Variants in TNS3 observed in about 807,000 individuals in gnomAD.
The protein encoded by TNS3 is tensin 3, also known as tensin-3.
TNS3 carries 45 observed loss-of-function variants against 140.9 expected under a neutral mutation model. That is an observed-to-expected ratio of 0.32 (90% CI 0.25 to 0.41). The LOEUF (loss-of-function observed/expected upper bound fraction) is 0.41, where lower values mean the gene tolerates loss of function less well. Ranked by LOEUF, TNS3 falls within the 10% of genes least tolerant of loss-of-function variation. The pLI is 1.00. For missense variants in TNS3, 1,716 were observed against 1,906.7 expected, an observed-to-expected ratio of 0.90 and a Z score of 1.86; for synonymous variants, 815 against 788.4, an observed-to-expected ratio of 1.03 and a Z score of -0.56.
In TNS3 at chr7:47,283,808, G is replaced by A. The variant is rs765761309; in HGVS notation, c.3986C>T (p.Ala1329Val). 12 of 1,611,554 alleles carry A rather than the reference G, an allele frequency of 7.4e-6. No homozygotes were observed. The highest frequency in any genetic ancestry group is 8.5e-6 in the Non-Finnish European group (10 of 1,178,830). Reference protein sequence around the residue: ...VEMESLTGHQAIQKALSITLV... With the variant: ...VEMESLTGHQVIQKALSITLV... ...GGTGATGCTCAGGGCCTTCTGGATC[G>A]CCTGGTGGCCGGTGAGGGACTCCAT... The change falls in exon 28 of 31, where the codon GCG becomes GTG. Residue 1329 changes from alanine (A) to valine (V), a missense_variant. This residue lies in a region of TNS3 where 216 missense variants were observed against 295.7 expected (regional missense o/e 0.73). Coordinates refer to ENST00000311160, the MANE Select transcript of TNS3 (RefSeq NM_022748.12).
chr7:47,312,836 A>G (rs1015464614), intron 20 of TNS3, among the ~76,000 whole-genome samples: 23 of 152,196 alleles, frequency 1.5e-4, no homozygotes, highest in Non-Finnish European at 2.9e-4. Flanking sequence ...CACATGTGTA[A>G]CCTGCACGTT....
At chr7:47,351,176 T>A (rs1286519636) in intron 17 of TNS3, among the ~76,000 whole-genome samples, 1 of 152,250 alleles carries the variant, frequency 6.6e-6, no homozygotes, top group Non-Finnish European at 1.5e-5. Context: ...TTTCCCTAAA[T>A]CCCGTTCTAA....
At chr7:47,551,095 C>G (rs542219647) in intron 1 of TNS3, among the ~76,000 whole-genome samples, 1 of 152,314 alleles carries the variant, frequency 6.6e-6, no homozygotes, top group South Asian at 2.1e-4. Context: ...GTGGGAAGCG[C>G]CAGGAAGATC....
intron 20 of TNS3, among the ~76,000 whole-genome samples, chr7:47,338,395 G>C (rs141293509): frequency 6.6e-6 from 1 of 152,306 alleles, no homozygotes; most frequent in East Asian, 1.9e-4. Flanking sequence ...CATTCTGATA[G>C]GTGTGATTTA....
At chr7:47,518,892 G>C (rs1798870524) in intron 2 of TNS3, among the ~76,000 whole-genome samples, 1 of 152,206 alleles carries the variant, frequency 6.6e-6, no homozygotes, top group African/African-American at 2.4e-5. Context: ...GGAGATCACA[G>C]GTTTAACCTT....
At chr7:47,550,884 A>T (rs1800042534) in intron 1 of TNS3, among the ~76,000 whole-genome samples, 2 of 152,154 alleles carry the variant, frequency 1.3e-5, no homozygotes, top group Non-Finnish European at 2.9e-5. Context: ...AACAAAACAG[A>T]CCTAAGTTTT....
At chr7:47,501,853 C>T (rs577393035) in intron 3 of TNS3, among the ~76,000 whole-genome samples, 1 of 152,218 alleles carries the variant, frequency 6.6e-6, no homozygotes, top group South Asian at 2.1e-4. Flanking sequence ...ATGCGGGAGT[C>T]AGAGAATTCT....
chr7:47,314,284 T>C (rs549931432), intron 20 of TNS3, among the ~76,000 whole-genome samples: 2 of 152,310 alleles, frequency 1.3e-5, no homozygotes, highest in Non-Finnish European at 2.9e-5. Flanking sequence ...CTGCAGGCGC[T>C]GTGCTTGGCA....
In TNS3 at chr7:47,422,239, T is replaced by A. The variant is rs187133790; in HGVS notation, c.473+1862A>T. On this transcript the variant is annotated intron_variant, in intron 10 of 30. Transcript: ENST00000311160. ...ATTAACCTTGGAATGTAAAATTGAA[T>A]CCAGCAAGCATTAAAAAATGCAAAT... Among the ~76,000 whole-genome samples, 49 of 152,260 alleles carry A rather than the reference T, an allele frequency of 3.2e-4. 1 individual carries two copies. Among genetic ancestry groups the A allele is most frequent in the Non-Finnish European group, 5.7e-4 (39 of 68,022 alleles).
intron 1 of TNS3, among the ~76,000 whole-genome samples, chr7:47,576,774 G>A (rs1800685039): frequency 6.6e-6 from 1 of 152,210 alleles, no homozygotes; most frequent in Admixed American, 6.5e-5. Context: ...TGAGTGAAAT[G>A]TTACACACTG....
At chr7:47,525,781 T>TAGCCATGCATATGTGCACCCACACAC (rs1799169188) in intron 2 of TNS3, among the ~76,000 whole-genome samples, 1 of 152,188 alleles carries the variant, frequency 6.6e-6, no homozygotes, top group African/African-American at 2.4e-5. Flanking sequence ...ACTGCACACA[T>TAGCCATGCATATGTGCACCCACACAC]AGCCATGCAT....
chr7:47,314,978 A>G (rs1787310762), intron 20 of TNS3, among the ~76,000 whole-genome samples: 1 of 152,234 alleles, frequency 6.6e-6, no homozygotes, highest in Admixed American at 6.5e-5. Context: ...CTACTAAGGC[A>G]AAAGCCGTCT....
At chr7:47,293,020 G>T in intron 25 of TNS3, 115 bp from the exon 26 acceptor site, 1 of 816,298 alleles carries the variant, frequency 1.2e-6, no homozygotes, top group Non-Finnish European at 2.0e-6. Flanking sequence ...TATCTTTTTA[G>T]CAACTGGTAT....
At chr7:47,530,844 T>TATATATATATATAC (rs1799378771) in intron 1 of TNS3, among the ~76,000 whole-genome samples, 1 of 98,440 alleles carries the variant, frequency 1.0e-5, no homozygotes, top group Non-Finnish European at 2.1e-5. Context: ...AAAAAATATA[T>TATATATATATATAC]ATATATATAT....
intron 16 of TNS3, among the ~76,000 whole-genome samples, chr7:47,389,169 CAGAAGCAGA>C (rs1435245266): frequency 7.6e-5 from 6 of 78,836 alleles, no homozygotes; most frequent in African/African-American, 2.9e-4. Flanking sequence ...GAAGAAGCAG[CAGAAGCAGA>C]AGAAGCAGAA....
At chr7:47,532,848 GT>G (rs1479036870) in intron 1 of TNS3, among the ~76,000 whole-genome samples, 8 of 151,880 alleles carry the variant, frequency 5.3e-5, no homozygotes, top group Non-Finnish European at 1.2e-4. Flanking sequence ...CAGAGGTATA[GT>G]ATAAACCCTA....
At chr7:47,355,183 C>G (rs1181522949) in intron 17 of TNS3, among the ~76,000 whole-genome samples, 1 of 152,220 alleles carries the variant, frequency 6.6e-6, no homozygotes, top group Non-Finnish European at 1.5e-5. Context: ...GAGACTCCGC[C>G]ACGCCCAGCG....
intron 16 of TNS3, among the ~76,000 whole-genome samples, chr7:47,390,429 G>T (rs1227171498): frequency 6.6e-6 from 1 of 152,206 alleles, no homozygotes; most frequent in African/African-American, 2.4e-5. Flanking sequence ...AGTACTCTGA[G>T]AACGCGGTAT....
At chr7:47,480,291 G>C (rs1329128526) in intron 4 of TNS3, among the ~76,000 whole-genome samples, 1 of 152,222 alleles carries the variant, frequency 6.6e-6, no homozygotes, top group Non-Finnish European at 1.5e-5. Flanking sequence ...CAGATGCCCA[G>C]GAGGAACCAC....
Sources: allele counts gnomAD v4.1 joint callset (sites outside exome capture counted in the v4.1 genomes callset), GRCh38; gene constraint gnomAD v4.1.1; regional missense constraint gnomAD v4.1.1; transcripts MANE v1.5; gene names NCBI Gene and HGNC (gene_info 2026-07-23, HGNC 2026-07-21).